Variants in PIP5K1B observed in about 807,000 individuals in gnomAD.
The protein encoded by PIP5K1B is phosphatidylinositol 4-phosphate 5-kinase type-1 beta.
In PIP5K1B, 42 loss-of-function variants were observed where a neutral mutation model predicts 67.0. That is an observed-to-expected ratio of 0.63 (90% CI 0.49 to 0.81). The LOEUF (loss-of-function observed/expected upper bound fraction) is 0.81. PIP5K1B is among the 30% of genes least tolerant of loss of function. The pLI is 0.00. For synonymous variants in PIP5K1B, 214 were observed against 231.4 expected (o/e 0.92, Z 0.68); for missense variants, 459 against 646.3 (o/e 0.71, Z 3.14).
intron 6 of PIP5K1B, among the ~76,000 whole-genome samples, chr9:68,887,557 A>G (rs1373109873): frequency 1.3e-5 from 2 of 152,214 alleles, no homozygotes; most frequent in Non-Finnish European, 2.9e-5. Flanking sequence ...GAGAACATGC[A>G]ATGTTTGTCT....
intron 7 of PIP5K1B, among the ~76,000 whole-genome samples, chr9:68,891,615 T>A (rs1280425394): frequency 6.6e-6 from 1 of 152,146 alleles, no homozygotes; most frequent in Non-Finnish European, 1.5e-5. Flanking sequence ...CTGATAAATT[T>A]GCTAGAAATT....
At chr9:68,792,308 G>A (rs1451635156) in intron 2 of PIP5K1B, among the ~76,000 whole-genome samples, 2 of 152,164 alleles carry the variant, frequency 1.3e-5, no homozygotes, top group African/African-American at 4.8e-5. Context: ...ATGGATAAAT[G>A]GATGAACAAA....
rs745735088 is a variant in PIP5K1B, at chr9:68,894,398, A to C, written c.531A>C (p.Gln177His). ...LPKFYGLYCM[Q>H]SGGINIRIVV... ...AATTTTACGGACTGTATTGTATGCA[A>C]TCAGGAGGCATTAATATCAGGATTG... The change falls in exon 8 of 16, where the codon CAA becomes CAC. Residue 177 changes from glutamine to histidine, a missense_variant. By Grantham distance (24) the Gln-to-His change is conservative (BLOSUM62 0). Transcript: ENST00000265382. 1.9e-6 allele frequency: 3 copies of C among 1,613,994 alleles called. No homozygotes were observed. The South Asian group carries it at 3.3e-5, about 18-fold the overall frequency.
intron 2 of PIP5K1B, among the ~76,000 whole-genome samples, chr9:68,769,809 A>ATTGC (rs1240329054): frequency 6.6e-6 from 1 of 152,188 alleles, no homozygotes; most frequent in Non-Finnish European, 1.5e-5. Flanking sequence ...GTGGCATGAC[A>ATTGC]TTGCTTGCTT....
chr9:68,926,465 A>T (rs1201058553), intron 12 of PIP5K1B, among the ~76,000 whole-genome samples: 1 of 152,122 alleles, frequency 6.6e-6, no homozygotes, highest in African/African-American at 2.4e-5. Context: ...AGCTTTATTG[A>T]GATATAATTA....
At chr9:68,979,291 C>T (rs1439307608) in intron 14 of PIP5K1B, among the ~76,000 whole-genome samples, 2 of 152,268 alleles carry the variant, frequency 1.3e-5, no homozygotes, top group South Asian at 4.1e-4. Context: ...AAATAAATAG[C>T]CAGAGACCTC....
intron 12 of PIP5K1B, among the ~76,000 whole-genome samples, chr9:68,933,146 AAGAC>A (rs1827086458): frequency 6.6e-6 from 1 of 152,078 alleles, no homozygotes; most frequent in Non-Finnish European, 1.5e-5. Context: ...ACTATATTGA[AAGAC>A]AGGAGTTTAT....
At chr9:68,830,850 G>C (rs1418585633) in intron 4 of PIP5K1B, among the ~76,000 whole-genome samples, 1 of 152,156 alleles carries the variant, frequency 6.6e-6, no homozygotes, top group Non-Finnish European at 1.5e-5. Flanking sequence ...AATATAAGCA[G>C]GTGTTCACTC....
chr9:68,745,556 G>C (rs1829254040), intron 2 of PIP5K1B, among the ~76,000 whole-genome samples: 1 of 152,154 alleles, frequency 6.6e-6, no homozygotes. Flanking sequence ...ATGACACACA[G>C]CATAGAAAAG....
At chr9:68,827,652 G>A (rs764951225) in intron 4 of PIP5K1B, among the ~76,000 whole-genome samples, 1 of 152,206 alleles carries the variant, frequency 6.6e-6, no homozygotes, top group Non-Finnish European at 1.5e-5. Flanking sequence ...GAGCAACAAA[G>A]TTGGGTGCAA....
At chr9:68,998,098 G>A (rs1282572365) in intron 15 of PIP5K1B, among the ~76,000 whole-genome samples, 2 of 147,914 alleles carry the variant, frequency 1.4e-5, no homozygotes, top group African/African-American at 5.0e-5. Context: ...TTTCAGACAG[G>A]ATATCTCTGT....
At chr9:68,946,039 C>G (rs546090905) in intron 14 of PIP5K1B, among the ~76,000 whole-genome samples, 1 of 152,184 alleles carries the variant, frequency 6.6e-6, no homozygotes. Context: ...TTCCAACTCT[C>G]CAGGTGGACT....
chr9:68,709,661 T>C (rs1827292757), intron 1 of PIP5K1B, among the ~76,000 whole-genome samples: 1 of 152,170 alleles, frequency 6.6e-6, no homozygotes, highest in South Asian at 2.1e-4. Context: ...CAAAGACCTG[T>C]AATCCCATGG....
intron 11 of PIP5K1B, among the ~76,000 whole-genome samples, chr9:68,920,433 T>C (rs1236179862): frequency 8.1e-6 from 1 of 123,884 alleles, no homozygotes; most frequent in Non-Finnish European, 1.6e-5. Context: ...AGTGGTGCAA[T>C]CTCAGCTCAC....
At chr9:68,875,804 C>T (rs1823863894) in intron 5 of PIP5K1B, among the ~76,000 whole-genome samples, 1 of 152,094 alleles carries the variant, frequency 6.6e-6, no homozygotes, top group Non-Finnish European at 1.5e-5. Context: ...AACAAAAACA[C>T]TGAAAAATTT....
At chr9:68,706,381 G>C (rs1213481889) in intron 1 of PIP5K1B, among the ~76,000 whole-genome samples, 5 of 152,134 alleles carry the variant, frequency 3.3e-5, no homozygotes, top group African/African-American at 1.2e-4. Flanking sequence ...TACTATGCCG[G>C]TGCCAGGAGT....
chr9:68,967,825 G>T (rs1240252703), intron 14 of PIP5K1B, among the ~76,000 whole-genome samples: 1 of 152,086 alleles, frequency 6.6e-6, no homozygotes, highest in Non-Finnish European at 1.5e-5. Context: ...CACTGCCCAA[G>T]GTTCAGATTT....
rs113204500 is a variant in PIP5K1B at position 68,790,563 on chromosome 9, C to T, written c.-85-27898C>T. Among the ~76,000 whole-genome samples, 459 of 152,130 alleles carry T rather than the reference C, an allele frequency of 3.0e-3. 3 individuals are homozygous for T. The highest frequency in any genetic ancestry group is 0.01 in the African/African-American group (435 of 41,498). On this transcript the variant is annotated intron_variant, in intron 2 of 15. Transcript: ENST00000265382. ...AGCAGATAATGTCAAATAATTGGGT[C>T]TTGTGTATGTACACCCAAACGCACA...
At chr9:68,944,708 T>C in intron 14 of PIP5K1B, among the ~76,000 whole-genome samples, 1 of 152,196 alleles carries the variant, frequency 6.6e-6, no homozygotes, top group East Asian at 1.9e-4. Flanking sequence ...AACAGTCTTG[T>C]GCCCTCTTCT....
Sources: gnomAD v4.1 joint callset for allele counts (sites outside exome capture counted in the v4.1 genomes callset) on GRCh38, gnomAD v4.1.1 for gene constraint, MANE v1.5 for transcripts, NCBI Gene and HGNC (gene_info 2026-07-23, HGNC 2026-07-21) for gene names.